ANK2: variants seen among roughly 807,000 people sequenced by gnomAD.
The protein encoded by ANK2 is ankyrin 2.
A neutral mutation model predicts 360.5 loss-of-function variants in ANK2; 83 were observed. The ratio of observed to expected loss-of-function variants is 0.23; its 90% confidence interval spans 0.19 to 0.28. The LOEUF is 0.28. Among genes scored for constraint, ANK2 ranks in the 10% least tolerant of loss-of-function variants. The probability of loss-of-function intolerance (pLI) is 1.00; values close to 1 mark genes in which losing one functional copy is unlikely to be tolerated. For synonymous variants in ANK2, 1,740 were observed against 1,759.5 expected, an observed-to-expected ratio of 0.99 and a Z score of 0.28; for missense variants, 4,201 against 4,795.7, an observed-to-expected ratio of 0.88 and a Z score of 3.66.
At position 113,336,008 on chromosome 4, in the gene ANK2, C is replaced by T. The variant is rs2153959078; in HGVS notation, c.3542C>T (p.Ala1181Val). The T allele has an allele frequency of 1.2e-6, 2 of 1,614,098 alleles. No individual in the cohort carries two copies. The highest frequency in any genetic ancestry group is 8.5e-7 in the Non-Finnish European group (1 of 1,180,016). The change falls in exon 30 of 46, where the codon GCC (alanine) becomes GTC (valine). Residue 1181 changes from alanine to valine, a missense_variant. Coordinates refer to ENST00000357077, the MANE Select transcript of ANK2 (RefSeq NM_001148.6). Reference sequence around the variant, plus strand: ...AGCACAGTGGTGCCCCAGGTGCAGGCCGTCTTCCCAGAGGGGGCACTCACC... The same window carrying T: ...AGCACAGTGGTGCCCCAGGTGCAGGTCGTCTTCCCAGAGGGGGCACTCACC... Reference protein sequence around the residue: ...LSSTVVPQVQAVFPEGALTKR... With the variant: ...LSSTVVPQVQVVFPEGALTKR...
intron 1 of ANK2, among the ~76,000 whole-genome samples, chr4:113,085,653 G>A (rs1221394719): frequency 6.6e-6 from 1 of 152,086 alleles, no homozygotes; most frequent in Non-Finnish European, 1.5e-5. Flanking sequence ...AACATGTTAA[G>A]CAAGAAGAAG....
At chr4:113,162,332 TGTCTTTTACTTATG>T (rs987115047) in intron 1 of ANK2, among the ~76,000 whole-genome samples, 6 of 152,186 alleles carry the variant, frequency 3.9e-5, no homozygotes, top group African/African-American at 1.4e-4. Context: ...TGCCTTTTCC[TGTCTTTTACTTATG>T]GTGTAACACT....
intron 23 of ANK2, among the ~76,000 whole-genome samples, chr4:113,305,961 C>A (rs1490711661): frequency 3.9e-5 from 6 of 152,132 alleles, no homozygotes; most frequent in Admixed American, 3.3e-4. Flanking sequence ...TAAGACTTTA[C>A]ATTGAGATGT....
chr4:112,866,144 T>C (rs2070432964), intron 1 of ANK2, among the ~76,000 whole-genome samples: 1 of 152,210 alleles, frequency 6.6e-6, no homozygotes, highest in Non-Finnish European at 1.5e-5. Context: ...GAAAATATCT[T>C]TTGGAGTACA....
At chr4:113,149,746 C>T (rs1158591665) in intron 1 of ANK2, among the ~76,000 whole-genome samples, 1 of 151,332 alleles carries the variant, frequency 6.6e-6, no homozygotes, top group Non-Finnish European at 1.5e-5. Flanking sequence ...TGTGGTGGCA[C>T]ACGCCCATGG....
At chr4:113,145,964 T>C (rs2096819136) in intron 1 of ANK2, 1 of 1,289,760 alleles carries the variant, frequency 7.8e-7, no homozygotes, top group Non-Finnish European at 1.0e-6. Flanking sequence ...CAGACTACTA[T>C]GGCTGTAACA....
At chr4:113,013,132 A>C (rs1246021480) in intron 2 of ANK2, among the ~76,000 whole-genome samples, 1 of 152,160 alleles carries the variant, frequency 6.6e-6, no homozygotes, top group Non-Finnish European at 1.5e-5. Context: ...TAGCTAGCAT[A>C]AGGCAGGAAT....
At chr4:113,019,374 G>T (rs2057472367) in intron 2 of ANK2, among the ~76,000 whole-genome samples, 1 of 152,166 alleles carries the variant, frequency 6.6e-6, no homozygotes, top group Non-Finnish European at 1.5e-5. Flanking sequence ...TTCTAAGCAA[G>T]ATAGTTTCGG....
Position 113,330,238 on chromosome 4 carries a change from A to AT in ANK2, c.2901-3dup, listed in dbSNP as rs762939884. On this transcript the variant is annotated splice_region_variant and splice_polypyrimidine_tract_variant and intron_variant, in intron 26 of 45. Transcript: ENST00000357077. ...AAAACATATCTAATCTTCTATTTTA[A>AT]TTTTTAGTTTCCTGGTTAGTTTTAT... 1.1e-5 allele frequency: 18 copies of AT among 1,612,684 alleles called. No individual in the cohort carries two copies. The highest frequency in any genetic ancestry group is 1.6e-4 in the Middle Eastern group (1 of 6,076).
chr4:113,021,541 C>CACACACACACACACACACAT (rs1489947974), intron 2 of ANK2, among the ~76,000 whole-genome samples: 6 of 95,572 alleles, frequency 6.3e-5, no homozygotes, highest in Admixed American at 2.3e-4. Flanking sequence ...CACACACAAA[C>CACACACACACACACACACAT]ATATATATAT....
chr4:113,174,389 A>G (rs2098113909), intron 1 of ANK2, 27 bp from the exon 2 acceptor site: 5 of 1,565,726 alleles, frequency 3.2e-6, no homozygotes, highest in Non-Finnish European at 4.4e-6. Context: ...TCAATAGTTC[A>G]TTAAAGGTCT....
At chr4:113,183,856 C>T (rs1017630367) in intron 2 of ANK2, among the ~76,000 whole-genome samples, 1 of 151,606 alleles carries the variant, frequency 6.6e-6, no homozygotes, top group Non-Finnish European at 1.5e-5. Flanking sequence ...TGGCAGTGAG[C>T]TAGAAGCTAA....
At chr4:113,361,959 T>A (rs895832793) in intron 39 of ANK2, among the ~76,000 whole-genome samples, 1 of 152,186 alleles carries the variant, frequency 6.6e-6, no homozygotes, top group Non-Finnish European at 1.5e-5. Flanking sequence ...CTCTCACACC[T>A]ACTTCTATCT....
At chr4:113,286,444 C>T (rs1471298337) in intron 18 of ANK2, among the ~76,000 whole-genome samples, 2 of 152,206 alleles carry the variant, frequency 1.3e-5, no homozygotes, top group Non-Finnish European at 2.9e-5. Flanking sequence ...GGTTTTCTCT[C>T]TCTAGGTTTC....
rs770235217 is a variant in ANK2 at position 113,330,420 on chromosome 4, C to T, written c.3075C>T (p.Gly1025=). The T allele has an allele frequency of 6.2e-7, 1 of 1,614,228 alleles. No homozygotes were observed. The highest frequency in any genetic ancestry group is 8.5e-7 in the Non-Finnish European group (1 of 1,180,034). ...TGCCTCCAATGGTGGAAGGAGAAGGCCTGGCCAGTCGCCTGATCGAAGTTG... is the reference window on the plus strand; with the variant it reads ...TGCCTCCAATGGTGGAAGGAGAAGGTCTGGCCAGTCGCCTGATCGAAGTTG... ...ATMPPMVEGE[G]LASRLIEVGP... is the part of the protein sequence containing the mutation. Residue 1025 remains glycine (G), a synonymous_variant, in exon 27 of 46, where the codon GGC becomes GGT. Transcript: ENST00000357077.
chr4:113,086,224 G>A (rs532837027), intron 1 of ANK2, among the ~76,000 whole-genome samples: 1 of 152,142 alleles, frequency 6.6e-6, no homozygotes, highest in African/African-American at 2.4e-5. Flanking sequence ...CCTTTTAAAT[G>A]TAACTGTCTC....
Position 113,112,174 on chromosome 4 carries a change from A to G in ANK2, c.85-62242A>G, listed in dbSNP as rs755407275. On this transcript the variant is annotated intron_variant, in intron 1 of 45. Transcript: ENST00000357077. Reference sequence around the variant, plus strand: ...TAAGATACTATTATAGTAAATTAAAAGAATGATTTTAACATCCTGGGGCTT... The same window carrying G: ...TAAGATACTATTATAGTAAATTAAAGGAATGATTTTAACATCCTGGGGCTT... Among the ~76,000 whole-genome samples, 135 of 152,254 alleles carry G rather than the reference A, an allele frequency of 8.9e-4. 2 individuals are homozygous for G. Among genetic ancestry groups the G allele is most frequent in the Non-Finnish European group, 3.1e-4 (21 of 68,042 alleles).
intron 26 of ANK2, among the ~76,000 whole-genome samples, chr4:113,325,402 T>C (rs1007043408): frequency 3.9e-5 from 6 of 152,178 alleles, no homozygotes; most frequent in Non-Finnish European, 8.8e-5. Flanking sequence ...GGAAGGCAAC[T>C]TAGAGTCTAT....
chr4:112,773,248 T>G, the ANK2 span, among the ~76,000 whole-genome samples: 1 of 152,070 alleles, frequency 6.6e-6, no homozygotes, highest in Non-Finnish European at 1.5e-5. Flanking sequence ...GCTCGGGAAG[T>G]TGGGGCTGTG....
Sources: gnomAD v4.1 joint callset for allele counts (sites outside exome capture counted in the v4.1 genomes callset) on GRCh38, gnomAD v4.1.1 for gene constraint, MANE v1.5 for transcripts, NCBI Gene and HGNC (gene_info 2026-07-23, HGNC 2026-07-21) for gene names.